Variants in C12orf42 observed in about 807,000 individuals in gnomAD.
The protein encoded by C12orf42 is chromosome 12 open reading frame 42, also known as uncharacterized protein C12orf42.
A neutral mutation model predicts 21.6 loss-of-function variants in C12orf42; 25 were observed. That is an observed-to-expected ratio of 1.16 (90% CI 0.84 to 1.62). C12orf42 has a LOEUF of 1.62. Among genes scored for constraint, C12orf42 ranks in the 40% most tolerant of loss-of-function variants. The pLI is 0.00. For missense variants in C12orf42, 483 were observed against 459.3 expected, an observed-to-expected ratio of 1.05 and a Z score of -0.47; for synonymous variants, 174 against 175.0, an observed-to-expected ratio of 0.99 and a Z score of 0.05.
chr12:103,138,995 A>T, the C12orf42 span, among the ~76,000 whole-genome samples: 1 of 152,184 alleles, frequency 6.6e-6, no homozygotes, highest in Non-Finnish European at 1.5e-5. Context: ...ATATAAGTTT[A>T]TCTGGTAGAT....
chr12:103,069,305 T>C, the C12orf42 span, among the ~76,000 whole-genome samples: 150 of 152,126 alleles, frequency 9.9e-4, no homozygotes, highest in African/African-American at 3.4e-3. Flanking sequence ...TATTTTAATG[T>C]TTATACAGAT....
At chr12:103,460,383 C>T (rs376026550) in intron 2 of C12orf42, among the ~76,000 whole-genome samples, 20 of 152,086 alleles carry the variant, frequency 1.3e-4, no homozygotes, top group East Asian at 9.6e-4. Flanking sequence ...TATTTGTTGA[C>T]AAGAACAAGT....
the C12orf42 span, among the ~76,000 whole-genome samples, chr12:103,053,086 G>C: frequency 6.6e-6 from 1 of 151,914 alleles, no homozygotes; most frequent in African/African-American, 2.4e-5. Flanking sequence ...TTCCCTCACT[G>C]TGATGTTATT....
intron 2 of C12orf42, among the ~76,000 whole-genome samples, chr12:103,432,845 A>T (rs1211176515): frequency 6.6e-6 from 1 of 152,194 alleles, no homozygotes; most frequent in Non-Finnish European, 1.5e-5. Context: ...AGGCCTCAGA[A>T]GGAATCAAAC....
At chr12:103,357,738 G>T (rs2043717055) in intron 4 of C12orf42, among the ~76,000 whole-genome samples, 1 of 152,034 alleles carries the variant, frequency 6.6e-6, no homozygotes, top group Non-Finnish European at 1.5e-5. Context: ...TCAGCCAGGT[G>T]CTATATTTGC....
intron 4 of C12orf42, among the ~76,000 whole-genome samples, chr12:103,344,326 G>C (rs1188391457): frequency 6.6e-6 from 1 of 152,208 alleles, no homozygotes; most frequent in African/African-American, 2.4e-5. Context: ...GTGGATGACA[G>C]AGGAGGGGTA....
At chr12:103,273,228 C>T (rs1441420614) in intron 5 of C12orf42, among the ~76,000 whole-genome samples, 1 of 152,104 alleles carries the variant, frequency 6.6e-6, no homozygotes, top group African/African-American at 2.4e-5. Context: ...CACTGGGAGG[C>T]CTTTGCCCAG....
intron 4 of C12orf42, among the ~76,000 whole-genome samples, chr12:103,315,582 C>G (rs904259017): frequency 7.9e-5 from 12 of 151,922 alleles, no homozygotes; most frequent in Middle Eastern, 3.2e-3. Context: ...CAAGGTGCAG[C>G]ATATACATAA....
chr12:103,432,570 A>G (rs567792087), intron 2 of C12orf42, among the ~76,000 whole-genome samples: 1 of 152,372 alleles, frequency 6.6e-6, no homozygotes, highest in African/African-American at 2.4e-5. Context: ...TGAGAGAGAT[A>G]GTATGTAATG....
the C12orf42 span, among the ~76,000 whole-genome samples, chr12:103,173,598 T>A: frequency 7.8e-4 from 118 of 151,698 alleles, no homozygotes; most frequent in African/African-American, 2.9e-3. Context: ...TATGGAGAAA[T>A]CACCAAAGGC....
At chr12:103,309,789 A>G (rs1393008623) in intron 4 of C12orf42, among the ~76,000 whole-genome samples, 1 of 152,258 alleles carries the variant, frequency 6.6e-6, no homozygotes, top group African/African-American at 2.4e-5. Context: ...TCCTGAATTC[A>G]AGGCACAGTC....
chr12:103,191,543 C>CAAAAAAA, the C12orf42 span, among the ~76,000 whole-genome samples: 51 of 58,116 alleles, frequency 8.8e-4, no homozygotes, highest in East Asian at 1.1e-3. Flanking sequence ...CTCCACTCTA[C>CAAAAAAA]AAAAAAAAAA....
At chr12:103,345,252 CA>C (rs1172727833) in intron 4 of C12orf42, among the ~76,000 whole-genome samples, 1 of 152,154 alleles carries the variant, frequency 6.6e-6, no homozygotes, top group East Asian at 1.9e-4. Context: ...GGGAATTATT[CA>C]CCTCTCTATG....
At chr12:103,203,682 G>A in the C12orf42 span, among the ~76,000 whole-genome samples, 1 of 152,246 alleles carries the variant, frequency 6.6e-6, no homozygotes, top group African/African-American at 2.4e-5. Context: ...CCAAACATAA[G>A]AGCATGACAA....
At chr12:103,425,841 C>T (rs564012733) in intron 2 of C12orf42, among the ~76,000 whole-genome samples, 54 of 152,216 alleles carry the variant, frequency 3.5e-4, no homozygotes, top group African/African-American at 1.2e-3. Flanking sequence ...GCTACAGTGG[C>T]TTTGCCGAGC....
At chr12:103,500,364 A>T (rs1434272107), upstream of C12orf42, among the ~76,000 whole-genome samples, 3 of 152,226 alleles carry the variant, frequency 2.0e-5, no homozygotes, top group Non-Finnish European at 4.4e-5. Context: ...AAATGTAAGC[A>T]TTGAAGTTTT....
the C12orf42 span, among the ~76,000 whole-genome samples, chr12:103,226,188 C>T: frequency 1.1e-4 from 16 of 152,116 alleles, no homozygotes; most frequent in Admixed American, 6.5e-4. Flanking sequence ...CTGGCTGCTG[C>T]GGTTCAGGCG....
At chr12:103,512,701 T>C in the C12orf42 span, among the ~76,000 whole-genome samples, 2 of 152,042 alleles carry the variant, frequency 1.3e-5, no homozygotes, top group Non-Finnish European at 2.9e-5. Flanking sequence ...AGGGGAGAAG[T>C]TGATCCTTAA....
At chr12:103,477,682 G>A (rs1367328178) in intron 2 of C12orf42, among the ~76,000 whole-genome samples, 1 of 152,120 alleles carries the variant, frequency 6.6e-6, no homozygotes, top group Non-Finnish European at 1.5e-5. Flanking sequence ...AGCAACAGGA[G>A]TCAAGGAATT....
Sources: allele counts gnomAD v4.1 joint callset (sites outside exome capture counted in the v4.1 genomes callset), GRCh38; gene constraint gnomAD v4.1.1; transcripts MANE v1.5; gene names NCBI Gene and HGNC (gene_info 2026-07-23, HGNC 2026-07-21).